LPIN2: variants seen among roughly 807,000 people sequenced by gnomAD.
The protein encoded by LPIN2 is lipin 2, also known as phosphatidate phosphatase LPIN2.
A neutral mutation model predicts 111.4 loss-of-function variants in LPIN2; 55 were observed. The ratio of observed to expected loss-of-function variants is 0.49; its 90% CI spans 0.40 to 0.62. The LOEUF is 0.62. Ranked by LOEUF, LPIN2 falls within the 20% of genes least tolerant of loss-of-function variation. The probability of loss-of-function intolerance (pLI) is 0.00; values close to 1 mark genes in which losing one functional copy is unlikely to be tolerated. For missense variants in LPIN2, 992 were observed against 1,112.1 expected (o/e 0.89, Z 1.54); for synonymous variants, 425 against 414.0 (o/e 1.03, Z -0.32).
intron 1 of LPIN2, chr18:2,982,634 G>A (rs542746452): frequency 9.4e-6 from 10 of 1,063,120 alleles, no homozygotes; most frequent in Admixed American, 9.3e-5. Flanking sequence ...AGCAAGCAGC[G>A]AAGGGAGCAG....
At position 2,950,600 on chromosome 18, in the gene LPIN2, A is replaced by T. The variant is rs889666218; in HGVS notation, c.590+455T>A. The stretch of plus-strand genomic sequence containing the variant: ...TAATGAGCTCTTCTACAGAGCAGGT[A>T]AATAAGCAGCGATCAAGACTGCTCA... On this transcript the variant is annotated intron_variant, in intron 4 of 19. Coordinates refer to ENST00000677752, the MANE Select transcript of LPIN2 (RefSeq NM_001375808.2). 6.4e-5 allele frequency: 13 copies of T among 203,724 alleles called. 1 individual carries two copies. The highest frequency in any genetic ancestry group is 4.1e-4 in the South Asian group (5 of 12,234). The allele number at this position is 203,724 out of a possible 1,614,324, so 12.6% of individuals were successfully genotyped here.
At chr18:2,934,578 G>A (rs2077259461) in intron 7 of LPIN2, 128 bp from the exon 8 acceptor site, 1 of 691,796 alleles carries the variant, frequency 1.4e-6, no homozygotes. Context: ...TTTTAAAGGT[G>A]TCAACCAGCC....
chr18:2,942,097 T>G (rs924939052), intron 4 of LPIN2, among the ~76,000 whole-genome samples: 6 of 152,148 alleles, frequency 3.9e-5, no homozygotes, highest in African/African-American at 1.4e-4. Flanking sequence ...TTTTTTAATA[T>G]TACTCTTCTT....
At chr18:3,003,188 G>T (rs553994764) in intron 1 of LPIN2, among the ~76,000 whole-genome samples, 23 of 152,316 alleles carry the variant, frequency 1.5e-4, no homozygotes, top group African/African-American at 5.3e-4. Flanking sequence ...TCTATTTAAT[G>T]AAAGGTTCTT....
chr18:2,950,935 T>C lies in LPIN2; in HGVS notation c.590+120A>G, dbSNP rs566524631. 2.5e-5 allele frequency: 26 copies of C among 1,043,404 alleles called. No homozygotes were observed. The Admixed American group carries it at 2.6e-4, about 11-fold the overall frequency. The allele number at this position is 1,043,404 out of a possible 1,614,324, so 64.6% of individuals were successfully genotyped here. On this transcript the variant is annotated intron_variant, in intron 4 of 19. Transcript: ENST00000677752. ...TTTGCTGCTTGATTCCACAATAAAC[T>C]GTAAAGGGGGAAAACAAGCCCAAAC...
At chr18:2,928,477 G>A (rs2144147797) in intron 11 of LPIN2, 114 bp downstream of exon 11, 1 of 995,584 alleles carries the variant, frequency 1.0e-6, no homozygotes, top group Non-Finnish European at 1.6e-6. Flanking sequence ...TAAATATTAA[G>A]CTCAAGTAAA....
intron 2 of LPIN2, among the ~76,000 whole-genome samples, chr18:2,960,379 G>A (rs1022227510): frequency 2.0e-5 from 3 of 151,942 alleles, no homozygotes; most frequent in African/African-American, 7.3e-5. Context: ...CAACATGTAA[G>A]ATTATTATAA....
At chr18:2,942,133 C>A (rs1400561267) in intron 4 of LPIN2, among the ~76,000 whole-genome samples, 1 of 152,126 alleles carries the variant, frequency 6.6e-6, no homozygotes. Flanking sequence ...TTAACATACT[C>A]TTATTTACCA....
At chr18:2,940,389 A>C (rs1291963265) in intron 5 of LPIN2, among the ~76,000 whole-genome samples, 1 of 152,244 alleles carries the variant, frequency 6.6e-6, no homozygotes, top group Non-Finnish European at 1.5e-5. Context: ...GATTATACAG[A>C]TCTACAACTG....
intron 5 of LPIN2, 116 bp downstream of exon 5, chr18:2,940,489 C>G (rs2077353775): frequency 7.6e-6 from 5 of 662,016 alleles, no homozygotes; most frequent in Non-Finnish European, 1.3e-5. Flanking sequence ...AGTAAACATT[C>G]AGTTCCTTGG....
chr18:3,007,669 A>T (rs190054440), intron 1 of LPIN2, among the ~76,000 whole-genome samples: 1 of 152,208 alleles, frequency 6.6e-6, no homozygotes, highest in Non-Finnish European at 1.5e-5. Flanking sequence ...AGAAAAGCAC[A>T]TTGTTTTACA....
rs1476358117 is a variant in LPIN2, at chr18:2,937,890, T to A, written c.970A>T (p.Ile324Leu). 3.7e-6 allele frequency: 6 copies of A among 1,614,038 alleles called. No homozygotes were observed. Among genetic ancestry groups the A allele is most frequent in the Non-Finnish European group, 5.1e-6 (6 of 1,180,030 alleles). Residue 324 changes from isoleucine to leucine, a missense_variant, in exon 7 of 20, where the codon ATA becomes TTA. Physicochemically the swap from Ile to Leu is conservative, Grantham distance 5. Transcript: ENST00000677752. ...AGGGCTCTGGGTTTGGGCTTCACTATGGTACAGACAGTGTCTTCCATGGAA... is the reference window on the plus strand; with the variant it reads ...AGGGCTCTGGGTTTGGGCTTCACTAAGGTACAGACAGTGTCTTCCATGGAA... ...DASMEDTVCT[I>L]VKPKPRALGT...
chr18:2,958,894 G>C (rs541221893), intron 2 of LPIN2, among the ~76,000 whole-genome samples: 1 of 151,006 alleles, frequency 6.6e-6, no homozygotes, highest in South Asian at 2.1e-4. Flanking sequence ...TGAAAGGCCA[G>C]ACACTGATCC....
intron 1 of LPIN2, among the ~76,000 whole-genome samples, chr18:2,999,402 C>A (rs554844873): frequency 3.6e-4 from 54 of 151,592 alleles, no homozygotes; most frequent in Admixed American, 3.9e-4. Flanking sequence ...CGAGACCATT[C>A]TGGCTAACAT....
chr18:3,002,395 TTA>T (rs1485414290), intron 1 of LPIN2, among the ~76,000 whole-genome samples: 1 of 152,166 alleles, frequency 6.6e-6, no homozygotes, highest in Admixed American at 6.5e-5. Flanking sequence ...TAGAAAAACA[TTA>T]GAGGCCTTAT....
At position 2,950,713 on chromosome 18, in the gene LPIN2, G is replaced by C. The variant is rs1475942650; in HGVS notation, c.590+342C>G. 8.4e-6 allele frequency: 3 copies of C among 356,298 alleles called. No individual in the cohort carries two copies. The East Asian group carries it at 2.0e-4, about 23-fold the overall frequency. 22.1% of individuals were successfully genotyped at this position (356,298 alleles called of 1,614,324 possible). A position where few individuals can be genotyped will look rare whatever the true frequency, so the allele number is the denominator to read the frequency against. The stretch of plus-strand genomic sequence containing the variant: ...AAACATACCAAGCCTAAGGCCACTG[G>C]GTAGGGAAATCCCAGAGATGACATG... On this transcript the variant is annotated intron_variant, in intron 4 of 19. Coordinates refer to ENST00000677752, the MANE Select transcript of LPIN2 (RefSeq NM_001375808.2).
At chr18:2,937,562 AAAAAAAAAAG>A in intron 7 of LPIN2, 120 bp downstream of exon 7, 1 of 704,840 alleles carries the variant, frequency 1.4e-6, no homozygotes. Flanking sequence ...AAAAAAAAAA[AAAAAAAAAAG>A]TGCGACGGGT....
At chr18:2,972,109 A>G (rs1283254791) in intron 1 of LPIN2, among the ~76,000 whole-genome samples, 10 of 152,198 alleles carry the variant, frequency 6.6e-5, no homozygotes, top group African/African-American at 2.2e-4. Context: ...AAGTTAACCC[A>G]AAGTCCCAAA....
chr18:2,950,823 T>C (rs2077524227), intron 4 of LPIN2: 1 of 565,840 alleles, frequency 1.8e-6, no homozygotes, highest in South Asian at 2.1e-5. Flanking sequence ...TGGAAACTTC[T>C]TTATGAAAAG....
Sources: allele counts gnomAD v4.1 joint callset (sites outside exome capture counted in the v4.1 genomes callset), GRCh38; gene constraint gnomAD v4.1.1; transcripts MANE v1.5; gene names NCBI Gene and HGNC (gene_info 2026-07-23, HGNC 2026-07-21).